KLHL3: variants seen among roughly 807,000 people sequenced by gnomAD.
KLHL3 encodes kelch like family member 3.
KLHL3 carries 19 observed loss-of-function variants against 70.5 expected under a neutral mutation model. The ratio of observed to expected loss-of-function variants is 0.27; its 90% CI spans 0.19 to 0.40. The LOEUF (loss-of-function observed/expected upper bound fraction) is 0.40. KLHL3 is among the 10% of genes least tolerant of loss of function. The pLI, the probability that KLHL3 is intolerant of heterozygous loss-of-function variation, is 1.00. For missense variants in KLHL3, 512 were observed against 771.1 expected (o/e 0.66, Z 3.98); for synonymous variants, 258 against 290.3 (o/e 0.89, Z 1.13).
At chr5:137,685,409 G>A (rs1752137225) in intron 5 of KLHL3, among the ~76,000 whole-genome samples, 2 of 152,332 alleles carry the variant, frequency 1.3e-5, no homozygotes, top group Admixed American at 1.3e-4. Context: ...GATTTGTATT[G>A]TCAAACAAAA....
At chr5:137,631,806 C>T (rs1283904191) in intron 12 of KLHL3, among the ~76,000 whole-genome samples, 1 of 152,164 alleles carries the variant, frequency 6.6e-6, no homozygotes, top group African/African-American at 2.4e-5. Context: ...TTCATAGAAA[C>T]ATAAGGTATG....
chr5:137,618,865 T>C lies in KLHL3; in HGVS notation c.*3233A>G, dbSNP rs1251683646. The C allele has an allele frequency of 6.8e-6, 1 of 146,242 alleles. No individual in the cohort carries two copies. Among genetic ancestry groups the C allele is most frequent in the African/African-American group, 2.5e-5 (1 of 39,598 alleles). 9.1% of individuals were successfully genotyped at this position (146,242 alleles called of 1,614,324 possible). A position where few individuals can be genotyped will look rare whatever the true frequency, so the allele number is the denominator to read the frequency against. On this transcript the variant is annotated 3_prime_UTR_variant, in exon 15 of 15. Coordinates refer to ENST00000309755, the MANE Select transcript of KLHL3 (RefSeq NM_017415.3). Reference sequence around the variant, plus strand: ...AACACCAGTGACTGCGTTTTAAAATTCAGCAGACTCCCTTGAATATGGTAT... The same window carrying C: ...AACACCAGTGACTGCGTTTTAAAATCCAGCAGACTCCCTTGAATATGGTAT...
At chr5:137,656,103 C>T (rs917707954) in intron 8 of KLHL3, among the ~76,000 whole-genome samples, 1 of 151,272 alleles carries the variant, frequency 6.6e-6, no homozygotes, top group South Asian at 2.1e-4. Context: ...ATACAAATGC[C>T]GATAATCATA....
chr5:137,628,068 C>G lies in KLHL3; in HGVS notation c.1591+229G>C, dbSNP rs2349008. On this transcript the variant is annotated intron_variant, in intron 13 of 14. Coordinates refer to ENST00000309755, the MANE Select transcript of KLHL3 (RefSeq NM_017415.3). ...CGGTAAAAGTCATCACCCTTCACTG[C>G]GGGGAAAGGGGATCCTCTGCATCTA... 196,898 of 547,224 alleles carry G rather than the reference C, an allele frequency of 0.36. 37,751 individuals carry two copies. The highest frequency in any genetic ancestry group is 0.4 in the Non-Finnish European group (123,069 of 306,040). The allele number at this position is 547,224 out of a possible 1,614,324, so 33.9% of individuals were successfully genotyped here. A position where few individuals can be genotyped will look rare whatever the true frequency, so the allele number is the denominator to read the frequency against.
chr5:137,648,890 C>T (rs1163705292), intron 8 of KLHL3, among the ~76,000 whole-genome samples: 1 of 152,190 alleles, frequency 6.6e-6, no homozygotes, highest in African/African-American at 2.4e-5. Context: ...ATTCCTATGC[C>T]TGCTTCTCCA....
intron 1 of KLHL3, chr5:137,721,347 C>G (rs1325485185): frequency 6.6e-6 from 1 of 152,210 alleles, no homozygotes; most frequent in Non-Finnish European, 1.5e-5. Context: ...ACCAAGCAGC[C>G]TTTTAAGTGT....
At chr5:137,681,616 G>A (rs1752027583) in intron 5 of KLHL3, among the ~76,000 whole-genome samples, 1 of 152,288 alleles carries the variant, frequency 6.6e-6, no homozygotes, top group East Asian at 1.9e-4. Context: ...GATCCTGGGG[G>A]AGGGATGCAT....
rs530819989 is a variant in KLHL3, at chr5:137,695,396, T to C, written c.363+2891A>G. ...GCCTTCTGGTTTCTCTAGTTGCTCT[T>C]TCCCTCTCTTTGACTCTGAGACTAG... is the stretch of plus-strand genomic sequence containing the variant. On this transcript the variant is annotated intron_variant, in intron 4 of 14. Transcript: ENST00000309755. Among the ~76,000 whole-genome samples the C allele has an allele frequency of 1.6e-4, 25 of 152,298 alleles. No individual in the cohort carries two copies. The South Asian group carries it at 5.2e-3, about 32-fold the overall frequency.
At position 137,685,755 on chromosome 5, in the gene KLHL3, A is replaced by G. The variant is rs190184746; in HGVS notation, c.526+6530T>C. ...TCAAATTCCGTGGCTCAAGCTACACATGAATGCTTGAGCTATCAACCTCAA... is the reference window on the plus strand; with the variant it reads ...TCAAATTCCGTGGCTCAAGCTACACGTGAATGCTTGAGCTATCAACCTCAA... On this transcript the variant is annotated intron_variant, in intron 5 of 14. Coordinates refer to ENST00000309755, the MANE Select transcript of KLHL3 (RefSeq NM_017415.3). Among the ~76,000 whole-genome samples the G allele has an allele frequency of 3.2e-4, 48 of 152,300 alleles. No individual in the cohort carries two copies. In the East Asian group the frequency reaches 8.9e-3, roughly 28 times the overall value.
At chr5:137,635,134 A>G (rs926137637) in intron 11 of KLHL3, among the ~76,000 whole-genome samples, 2 of 152,122 alleles carry the variant, frequency 1.3e-5, no homozygotes, top group Non-Finnish European at 2.9e-5. Flanking sequence ...GTATTTGAAA[A>G]TCTGCAATTA....
At chr5:137,731,909 C>T (rs1335132763) in intron 1 of KLHL3, among the ~76,000 whole-genome samples, 3 of 152,108 alleles carry the variant, frequency 2.0e-5, no homozygotes, top group Non-Finnish European at 4.4e-5. Context: ...TACAGTCATA[C>T]TGTTGTACAA....
At chr5:137,709,900 C>T in intron 2 of KLHL3, 44 bp from the exon 3 acceptor site, 1 of 1,436,910 alleles carries the variant, frequency 7.0e-7, no homozygotes, top group East Asian at 2.3e-5. Context: ...GCAGCAAGGA[C>T]ACCTACCCTC....
intron 10 of KLHL3, 47 bp from the exon 11 acceptor site, chr5:137,637,442 C>A (rs1252063225): frequency 3.2e-6 from 5 of 1,548,618 alleles, no homozygotes; most frequent in Non-Finnish European, 4.5e-6. Flanking sequence ...CAGGCCTCAC[C>A]CTGCTGTGTG....
chr5:137,713,761 A>AT (rs1467453795), intron 2 of KLHL3, among the ~76,000 whole-genome samples: 3 of 152,188 alleles, frequency 2.0e-5, no homozygotes. Context: ...ATGAGAAATA[A>AT]TTTTTTGCAA....
chr5:137,637,002 A>G (rs1457918543), intron 11 of KLHL3, among the ~76,000 whole-genome samples: 1 of 152,012 alleles, frequency 6.6e-6, no homozygotes, highest in Non-Finnish European at 1.5e-5. Flanking sequence ...CCCTTCCCCA[A>G]CTTCTAGCAG....
chr5:137,710,337 G>A (rs1207655848), intron 2 of KLHL3, among the ~76,000 whole-genome samples: 4 of 152,204 alleles, frequency 2.6e-5, no homozygotes, highest in East Asian at 3.9e-4. Context: ...GAGGCAAGCC[G>A]GCCTTAGGTA....
chr5:137,647,947 A>G (rs1178294814), intron 8 of KLHL3, among the ~76,000 whole-genome samples: 1 of 152,220 alleles, frequency 6.6e-6, no homozygotes, highest in Non-Finnish European at 1.5e-5. Context: ...AACTTGTAAT[A>G]TCAGGATAAT....
Position 137,677,674 on chromosome 5 carries a change from AAG to A in KLHL3, c.527-22_527-21del. 6.9e-7 allele frequency: 1 copy of A among 1,459,364 alleles called. No homozygotes were observed. Among genetic ancestry groups the A allele is most frequent in the Non-Finnish European group, 9.3e-7 (1 of 1,077,470 alleles). The allele number at this position is 1,459,364 out of a possible 1,614,324, so 90.4% of individuals were successfully genotyped here. Reference sequence around the variant, plus strand: ...GCTGCTCTGTTCCAAAAAAAAAAAAAAGAAGTTAAGAAAACAAAGTTGTAACA... The same window carrying A: ...GCTGCTCTGTTCCAAAAAAAAAAAAAAAGTTAAGAAAACAAAGTTGTAACA... On this transcript the variant is annotated intron_variant, in intron 5 of 14. Transcript: ENST00000309755.
intron 5 of KLHL3, among the ~76,000 whole-genome samples, chr5:137,682,436 G>GAGAGAGAGAGAGAGAGC (rs1752055158): frequency 1.1e-5 from 1 of 94,350 alleles, no homozygotes; most frequent in African/African-American, 4.0e-5. Context: ...AGAGAGAGAG[G>GAGAGAGAGAGAGAGAGC]CATAGACAGA....
Sources: gnomAD v4.1 joint callset for allele counts (sites outside exome capture counted in the v4.1 genomes callset) on GRCh38, gnomAD v4.1.1 for gene constraint, MANE v1.5 for transcripts, NCBI Gene and HGNC (gene_info 2026-07-23, HGNC 2026-07-21) for gene names.